The following TNPO3 variants were observed in gnomAD, a reference collection of about 807,000 sequenced individuals.
TNPO3 encodes transportin-3.
Under a neutral mutation model 122.8 loss-of-function variants are expected in TNPO3, and 65 were observed. That is an observed-to-expected ratio of 0.53 (90% confidence interval 0.43 to 0.65). The LOEUF is 0.65. Ranked by LOEUF, TNPO3 falls within the 30% of genes least tolerant of loss-of-function variation. The pLI is 0.00. For synonymous variants in TNPO3, 372 were observed against 411.2 expected, an observed-to-expected ratio of 0.90 and a Z score of 1.15; for missense variants, 850 against 1,136.7, an observed-to-expected ratio of 0.75 and a Z score of 3.63.
Position 129,045,548 on chromosome 7 carries a change from C to CAA in TNPO3, c.120+9101_120+9102dup, listed in dbSNP as rs5887408. On this transcript the variant is annotated intron_variant, in intron 1 of 22. Transcript: ENST00000265388. ...AATTTATGTTTTGAATGTTTTGCCACAAAAAAAAAAAAATCTATAAAACCT... is the reference window on the plus strand; with the variant it reads ...AATTTATGTTTTGAATGTTTTGCCACAAAAAAAAAAAAAAATCTATAAAACCT... Among the ~76,000 whole-genome samples, 317 of 144,278 alleles carry CAA rather than the reference C, an allele frequency of 2.2e-3. 2 individuals are homozygous for CAA. The highest frequency in any genetic ancestry group is 2.0e-3 in the East Asian group (10 of 4,944). The allele number at this position is 144,278 out of a possible 152,430, so 94.7% of individuals were successfully genotyped here.
chr7:128,983,329 C>T (rs544694709), intron 13 of TNPO3, among the ~76,000 whole-genome samples: 19 of 152,222 alleles, frequency 1.2e-4, no homozygotes, highest in Non-Finnish European at 2.2e-4. Context: ...GCCTCAGCCT[C>T]CCGAGTAGCT....
At chr7:128,991,856 G>A in intron 10 of TNPO3, 143 bp downstream of exon 10, 1 of 442,904 alleles carries the variant, frequency 2.3e-6, no homozygotes, top group South Asian at 5.9e-5. Flanking sequence ...CTAGACTCTA[G>A]AAGTCAGAAG....
chr7:129,028,494 G>A (rs1805530239), intron 1 of TNPO3, among the ~76,000 whole-genome samples: 2 of 151,764 alleles, frequency 1.3e-5, no homozygotes, highest in African/African-American at 4.8e-5. Context: ...GCAAAAAGAA[G>A]GAAATAATAA....
chr7:128,974,805 G>C, intron 18 of TNPO3, 63 bp downstream of exon 18: 1 of 1,334,728 alleles, frequency 7.5e-7, no homozygotes, highest in East Asian at 2.3e-5. Context: ...CCAAGGGTCA[G>C]ATGGCAAGAC....
intron 22 of TNPO3, among the ~76,000 whole-genome samples, chr7:128,956,212 C>T (rs1466141124): frequency 6.6e-6 from 1 of 152,166 alleles, no homozygotes; most frequent in Non-Finnish European, 1.5e-5. Context: ...TTGGGTGTGG[C>T]AAGGCACTGC....
Position 128,972,558 on chromosome 7 carries a change from G to C in TNPO3, c.2298C>G (p.Thr766=). ...ATRFIQRSPV[T]LLRSQVVIPI... is the part of the protein sequence containing the mutation. Reference sequence around the variant, plus strand: ...GGATGACCACTTGGCTCCGCAGCAAGGTGACAGGGCTACGCTGAATAAACC... The same window carrying C: ...GGATGACCACTTGGCTCCGCAGCAACGTGACAGGGCTACGCTGAATAAACC... Residue 766 remains threonine (T), a synonymous_variant, in exon 19 of 23, where the codon ACC becomes ACG. Transcript: ENST00000265388. The C allele has an allele frequency of 6.2e-7, 1 of 1,614,032 alleles. No individual in the cohort carries two copies. Among genetic ancestry groups the C allele is most frequent in the East Asian group, 2.2e-5 (1 of 44,880 alleles).
intron 12 of TNPO3, 71 bp downstream of exon 12, chr7:128,986,658 T>A (rs899954693): frequency 1.4e-6 from 2 of 1,409,930 alleles, no homozygotes; most frequent in African/African-American, 2.9e-5. Flanking sequence ...AAAACTGGGA[T>A]ATGACAGATG....
At chr7:128,975,075 G>T (rs573111645) in intron 17 of TNPO3, 113 bp from the exon 18 acceptor site, 3 of 759,658 alleles carry the variant, frequency 3.9e-6, no homozygotes, top group African/African-American at 3.5e-5. Flanking sequence ...GAAAAGCACA[G>T]CTGGGAAAAG....
intron 22 of TNPO3, among the ~76,000 whole-genome samples, chr7:128,956,474 G>A (rs140285449): frequency 3.3e-5 from 5 of 152,254 alleles, no homozygotes; most frequent in Admixed American, 2.0e-4. Context: ...AGTGCTCATC[G>A]GGAGCCAAAG....
At chr7:129,016,550 T>C (rs1803881319) in intron 3 of TNPO3, among the ~76,000 whole-genome samples, 1 of 152,226 alleles carries the variant, frequency 6.6e-6, no homozygotes. Flanking sequence ...AAGGAATACT[T>C]GTTTCAAAGT....
intron 1 of TNPO3, among the ~76,000 whole-genome samples, chr7:129,052,600 A>G (rs1052191496): frequency 6.6e-6 from 1 of 152,234 alleles, no homozygotes; most frequent in African/African-American, 2.4e-5. Context: ...AAAGTGACTA[A>G]TACTTAAATA....
At chr7:129,034,819 C>T (rs1189459531) in intron 1 of TNPO3, among the ~76,000 whole-genome samples, 20 of 142,926 alleles carry the variant, frequency 1.4e-4, no homozygotes, top group East Asian at 4.2e-4. Context: ...GGCGTGAACC[C>T]GGGAGGCAGA....
intron 21 of TNPO3, among the ~76,000 whole-genome samples, chr7:128,966,991 G>C (rs1797984999): frequency 6.6e-6 from 1 of 152,152 alleles, no homozygotes; most frequent in Non-Finnish European, 1.5e-5. Context: ...GAAAAATATA[G>C]ACAGATCTCC....
chr7:128,979,021 T>G lies in TNPO3; in HGVS notation c.2023A>C (p.Lys675Gln), dbSNP rs1328224907. The change falls in exon 16 of 23, where the codon AAA becomes CAA. Residue 675 changes from lysine to glutamine, a missense_variant. Physicochemically the swap from Lys to Gln is moderately conservative, Grantham distance 53. Transcript: ENST00000265388. ...CLRFAVRCVG[K>Q]GSAALLQPLV... ...GGCTGCAGCAGTGCTGCAGATCCTT[T>G]GCCTACACAGCGAACAGCAAAGCGC... is the stretch of plus-strand genomic sequence containing the variant. The G allele has an allele frequency of 1.9e-6, 3 of 1,614,188 alleles. No individual in the cohort carries two copies. Among genetic ancestry groups the G allele is most frequent in the Admixed American group, 3.3e-5 (2 of 60,024 alleles).
rs1800232119 is a variant in TNPO3, at chr7:128,987,002, TTTTC to T, written c.1499-86_1499-83del. ...TTTATTAAAACAGAGGTATACTTGCTTTTCTTTTTTTAAAGCAAAAGAACCCTTT... is the reference window on the plus strand; with the variant it reads ...TTTATTAAAACAGAGGTATACTTGCTTTTTTTTAAAGCAAAAGAACCCTTT... On this transcript the variant is annotated intron_variant, in intron 11 of 22. Coordinates refer to ENST00000265388, the MANE Select transcript of TNPO3 (RefSeq NM_012470.4). 2.8e-6 allele frequency: 4 copies of T among 1,404,270 alleles called. No individual in the cohort carries two copies. In the East Asian group the frequency reaches 7.3e-5, roughly 26 times the overall value. 87.0% of individuals were successfully genotyped at this position (1,404,270 alleles called of 1,614,324 possible). A position where few individuals can be genotyped will look rare whatever the true frequency, so the allele number is the denominator to read the frequency against.
At chr7:128,976,071 A>G (rs1412789957) in intron 16 of TNPO3, 136 bp from the exon 17 acceptor site, 8 of 658,412 alleles carry the variant, frequency 1.2e-5, no homozygotes, top group African/African-American at 3.7e-5. Context: ...GCTTCTTAGC[A>G]CTATTTTGTG....
intron 1 of TNPO3, among the ~76,000 whole-genome samples, chr7:129,025,219 G>A (rs2150468049): frequency 6.7e-6 from 1 of 150,276 alleles, no homozygotes; most frequent in Middle Eastern, 3.4e-3. Context: ...GCGTGGTGGT[G>A]GGTGCCTGTA....
intron 5 of TNPO3, among the ~76,000 whole-genome samples, chr7:129,003,109 G>A (rs1802166999): frequency 6.8e-6 from 1 of 147,824 alleles, no homozygotes; most frequent in African/African-American, 2.5e-5. Flanking sequence ...TGTAGTCCCA[G>A]CTACTCAGGA....
Position 128,972,587 on chromosome 7 carries a change from T to C in TNPO3, c.2274-5A>G, listed in dbSNP as rs567711266. 1.8e-4 allele frequency: 298 copies of C among 1,611,954 alleles called. 1 individual carries two copies. The South Asian group carries it at 3.1e-3, about 17-fold the overall frequency. ...ACAGGGCTACGCTGAATAAACCTGGTGTGGAAAGTGAGACTAGGTATAAAT... is the reference window on the plus strand; with the variant it reads ...ACAGGGCTACGCTGAATAAACCTGGCGTGGAAAGTGAGACTAGGTATAAAT... On this transcript the variant is annotated splice_polypyrimidine_tract_variant and splice_region_variant and intron_variant, in intron 18 of 22. Transcript: ENST00000265388.
Sources: gnomAD v4.1 joint callset for allele counts (sites outside exome capture counted in the v4.1 genomes callset) on GRCh38, gnomAD v4.1.1 for gene constraint, MANE v1.5 for transcripts, NCBI Gene and HGNC (gene_info 2026-07-23, HGNC 2026-07-21) for gene names.